Variants in PFKM observed in about 807,000 individuals in gnomAD.
PFKM encodes the protein phosphofructokinase, muscle, also known as ATP-dependent 6-phosphofructokinase, muscle type.
Under a neutral mutation model 95.5 loss-of-function variants are expected in PFKM, and 58 were observed. The ratio of observed to expected loss-of-function variants is 0.61; its 90% CI spans 0.49 to 0.76. PFKM has a LOEUF of 0.76. Ranked by LOEUF, PFKM falls within the 30% of genes least tolerant of loss-of-function variation. The pLI, the probability that PFKM is intolerant of heterozygous loss-of-function variation, is 0.00. For synonymous variants in PFKM, 336 were observed against 357.2 expected (o/e 0.94, Z 0.67); for missense variants, 678 against 1,005.4 (o/e 0.67, Z 4.40).
chr12:48,118,205 T>C (rs1947847386), upstream of PFKM, among the ~76,000 whole-genome samples: 1 of 152,232 alleles, frequency 6.6e-6, no homozygotes, highest in Non-Finnish European at 1.5e-5. Flanking sequence ...AGATTAACTT[T>C]GGAATACCCT....
chr12:48,136,692 CTTT>C (rs1166389532), intron 10 of PFKM, among the ~76,000 whole-genome samples: 1 of 63,022 alleles, frequency 1.6e-5, no homozygotes, highest in Non-Finnish European at 2.9e-5. Flanking sequence ...GGGGTCGTCA[CTTT>C]TTTTTTTTTT....
intron 2 of PFKM, among the ~76,000 whole-genome samples, chr12:48,128,277 C>T (rs879848263): frequency 6.6e-6 from 1 of 151,664 alleles, no homozygotes; most frequent in Non-Finnish European, 1.5e-5. Flanking sequence ...CTCTCTCTCT[C>T]TCTTTTTTTC....
chr12:48,116,265 C>A (rs1303948685), upstream of PFKM, among the ~76,000 whole-genome samples: 4 of 150,530 alleles, frequency 2.7e-5, no homozygotes, highest in Non-Finnish European at 5.9e-5. Context: ...CTCTCTCCAC[C>A]CCTCCCTACC....
chr12:48,120,937 A>G (rs1948191902), intron 1 of PFKM, among the ~76,000 whole-genome samples: 1 of 152,142 alleles, frequency 6.6e-6, no homozygotes, highest in African/African-American at 2.4e-5. Context: ...GATCACCTGA[A>G]GTCAGGAGTT....
At chr12:48,118,885 ATTTAT>A (rs1947908813), upstream of PFKM, among the ~76,000 whole-genome samples, 1 of 68,200 alleles carries the variant, frequency 1.5e-5, no homozygotes, top group Admixed American at 1.5e-4. Flanking sequence ...CAGGGACTAT[ATTTAT>A]TTTTTTTAAA....
At position 48,122,513 on chromosome 12, in the gene PFKM, T is replaced by C. The variant is rs4760683; in HGVS notation, c.-8-254T>C. The stretch of plus-strand genomic sequence containing the variant: ...GTTTATTCCCCAAATAGGTTCCAAT[T>C]GGGGTGGGAGGGATCAGGGAGGAAT... On this transcript the variant is annotated intron_variant, in intron 1 of 22. Transcript: ENST00000359794. 238,757 of 1,162,990 alleles carry C rather than the reference T, an allele frequency of 0.21. 30,479 individuals carry two copies. The highest frequency in any genetic ancestry group is 0.61 in the East Asian group (17,498 of 28,726). The allele number at this position is 1,162,990 out of a possible 1,614,324, so 72.0% of individuals were successfully genotyped here. A position where few individuals can be genotyped will look rare whatever the true frequency, so the allele number is the denominator to read the frequency against.
intron 20 of PFKM, 70 bp downstream of exon 20, chr12:48,144,227 G>T (rs1950829907): frequency 4.9e-6 from 5 of 1,021,294 alleles, no homozygotes; most frequent in Non-Finnish European, 7.7e-6. Flanking sequence ...CCTGCCAACA[G>T]CCACTGAGGC....
intron 10 of PFKM, among the ~76,000 whole-genome samples, chr12:48,135,929 C>G (rs547953148): frequency 1.8e-4 from 16 of 87,230 alleles, no homozygotes; most frequent in Admixed American, 1.2e-3. Context: ...TGCACTCGCT[C>G]CCAGGCTGGA....
In PFKM at chr12:48,127,003, T is replaced by G. The variant is rs1948921821; in HGVS notation, c.86-3360T>G. Among the ~76,000 whole-genome samples, 4 of 152,334 alleles carry G rather than the reference T, an allele frequency of 2.6e-5. No individual in the cohort carries two copies. The South Asian group carries it at 8.3e-4, about 32-fold the overall frequency. ...CAACTTAAGGTTGTGAACTTAGGCT[T>G]CTAGACTTCATGGGGCTTTGCCTTA... On this transcript the variant is annotated intron_variant, in intron 2 of 22. Transcript: ENST00000359794.
chr12:48,141,272 C>T, intron 14 of PFKM, 39 bp from the exon 15 acceptor site: 2 of 1,587,234 alleles, frequency 1.3e-6, no homozygotes, highest in South Asian at 1.1e-5. Flanking sequence ...CCTCCTAGTG[C>T]TTTAGCCTTG....
chr12:48,145,627 G>A lies in PFKM; in HGVS notation c.2262G>A (p.Lys754=), dbSNP rs1393608237. 2 of 1,613,990 alleles carry A rather than the reference G, an allele frequency of 1.2e-6. No individual in the cohort carries two copies. The highest frequency in any genetic ancestry group is 2.7e-5 in the African/African-American group (2 of 74,884). Residue 754 remains lysine (K), a synonymous_variant, in exon 23 of 23, where the codon AAG becomes AAA. Transcript: ENST00000359794. This position sits in a 1 kb window ranked among gnomAD's most constrained non-coding sequence, Gnocchi z 4.3. ...GGCCCATCCTCAAAATCCTAGCCAA[G>A]TACGAGATTGACTTGGACACTTCAG... ...KLRPILKILA[K]YEIDLDTSDH...
intron 2 of PFKM, among the ~76,000 whole-genome samples, chr12:48,126,008 A>G (rs932294342): frequency 1.3e-5 from 2 of 152,312 alleles, no homozygotes; most frequent in South Asian, 4.1e-4. Flanking sequence ...ATAGAGACCC[A>G]TTACCCACAG....
At chr12:48,115,299 C>T (rs756814099), upstream of PFKM, among the ~76,000 whole-genome samples, 6 of 152,198 alleles carry the variant, frequency 3.9e-5, no homozygotes, top group Admixed American at 6.5e-5. Context: ...GTGTGAGCAA[C>T]GAGGCTGTTT....
intron 10 of PFKM, among the ~76,000 whole-genome samples, chr12:48,135,957 T>C (rs931371234): frequency 6.6e-6 from 1 of 151,916 alleles, no homozygotes; most frequent in Non-Finnish European, 1.5e-5. Flanking sequence ...GGTGCGACCT[T>C]GGCTCACTGC....
At chr12:48,131,773 G>A (rs1949519079) in intron 4 of PFKM, 2 of 363,980 alleles carry the variant, frequency 5.5e-6, no homozygotes, top group African/African-American at 4.2e-5. Context: ...CTCATGTGAT[G>A]GAGATGAGGT....
At position 48,145,536 on chromosome 12, in the gene PFKM, T is replaced by C. The variant is rs770152158; in HGVS notation, c.2199-28T>C. 6.2e-7 allele frequency: 1 copy of C among 1,613,744 alleles called. No individual in the cohort carries two copies. The highest frequency in any genetic ancestry group is 8.5e-7 in the Non-Finnish European group (1 of 1,179,656). On this transcript the variant is annotated intron_variant, in intron 22 of 22. Coordinates refer to ENST00000359794, the MANE Select transcript of PFKM (RefSeq NM_000289.6). This position sits in a 1 kb window ranked among gnomAD's most constrained non-coding sequence, Gnocchi z 4.3. ...AGTTGATTGGGGTGCTAAAAGATTA[T>C]ATCATCATCTACCTCATTCCTCTGT...
chr12:48,140,207 G>GAC (rs1341324497), intron 13 of PFKM, among the ~76,000 whole-genome samples: 1 of 152,186 alleles, frequency 6.6e-6, no homozygotes, highest in Non-Finnish European at 1.5e-5. Flanking sequence ...TTTTCTCTGG[G>GAC]AAAATATGGG....
intron 2 of PFKM, chr12:48,107,571 C>T (rs1946800394): frequency 1.2e-5 from 8 of 694,494 alleles, no homozygotes; most frequent in Admixed American, 2.2e-5. Context: ...GTCAACTGAC[C>T]TTGTTTATCA....
chr12:48,118,578 G>T, upstream of PFKM: 1 of 1,458,180 alleles, frequency 6.9e-7, no homozygotes, highest in Non-Finnish European at 9.3e-7. Context: ...CAAAGGGAAG[G>T]TGAGACTTGA....
Sources: allele counts gnomAD v4.1 joint callset (sites outside exome capture counted in the v4.1 genomes callset), GRCh38; gene constraint gnomAD v4.1.1; non-coding constraint Gnocchi (gnomAD v3.1); transcripts MANE v1.5; gene names NCBI Gene and HGNC (gene_info 2026-07-23, HGNC 2026-07-21).